The following ANPEP variants were observed in gnomAD, a reference collection of about 807,000 sequenced individuals.
The protein encoded by ANPEP is aminopeptidase N.
A neutral mutation model predicts 114.6 loss-of-function variants in ANPEP; 70 were observed. That is an observed-to-expected ratio of 0.61 (90% CI 0.50 to 0.75). ANPEP has a LOEUF of 0.75. Among genes scored for constraint, ANPEP ranks in the 30% least tolerant of loss-of-function variants. The probability of loss-of-function intolerance (pLI) is 0.00; values close to 1 mark genes in which losing one functional copy is unlikely to be tolerated. For missense variants in ANPEP, 1,184 were observed against 1,259.5 expected, an observed-to-expected ratio of 0.94 and a Z score of 0.91; for synonymous variants, 548 against 522.3, an observed-to-expected ratio of 1.05 and a Z score of -0.67.
chr15:89,813,970 C>T (rs1894859167), intron 1 of ANPEP, among the ~76,000 whole-genome samples: 1 of 149,454 alleles, frequency 6.7e-6, no homozygotes, highest in Admixed American at 6.6e-5. Flanking sequence ...CCACCTGGGC[C>T]GTCCCTGCCC....
chr15:89,811,394 C>T (rs1894812220), intron 1 of ANPEP, among the ~76,000 whole-genome samples: 1 of 152,062 alleles, frequency 6.6e-6, no homozygotes, highest in African/African-American at 2.4e-5. Context: ...TGCTTGTAAT[C>T]CCTGCACTTC....
intron 10 of ANPEP, 54 bp from the exon 11 acceptor site, chr15:89,801,661 A>AT: frequency 1.3e-6 from 2 of 1,580,814 alleles, no homozygotes. Flanking sequence ...AGTCCCTGCC[A>AT]TCCAGGGCAT....
intron 15 of ANPEP, among the ~76,000 whole-genome samples, chr15:89,796,644 C>A (rs144831976): frequency 6.6e-6 from 1 of 151,492 alleles, no homozygotes; most frequent in African/African-American, 2.4e-5. Context: ...CCCGCCACCA[C>A]GCCTGGCTAA....
chr15:89,789,629 C>T (rs141408606), intron 20 of ANPEP, among the ~76,000 whole-genome samples: 11,546 of 151,546 alleles, frequency 0.076, 1,468 homozygotes, highest in African/African-American at 0.26. Flanking sequence ...AAAAATTAGC[C>T]GGGTGTGGGG....
chr15:89,793,254 A>C, intron 15 of ANPEP, 128 bp from the exon 16 acceptor site: 1 of 725,064 alleles, frequency 1.4e-6, no homozygotes, highest in East Asian at 2.5e-5. Context: ...ACCTGAGGCC[A>C]AACAGTGCTC....
chr15:89,791,407 AG>A (rs1205259407), intron 18 of ANPEP, among the ~76,000 whole-genome samples: 2 of 147,354 alleles, frequency 1.4e-5, no homozygotes, highest in East Asian at 3.9e-4. Flanking sequence ...TTTGACACTG[AG>A]GGTGGCCCTT....
chr15:89,796,789 A>C lies in ANPEP; in HGVS notation c.2157+786T>G, dbSNP rs145212425. Among the ~76,000 whole-genome samples the C allele has an allele frequency of 1.5e-3, 231 of 151,798 alleles. 7 individuals carry two copies. In the East Asian group the frequency reaches 0.038, roughly 25 times the overall value. On this transcript the variant is annotated intron_variant, in intron 15 of 20. Coordinates refer to ENST00000300060, the MANE Select transcript of ANPEP (RefSeq NM_001150.3). ...GGATTACAGGCATGAGCCCCACTGC[A>C]CCCGGCCTGATAATTGAACATTTTT...
In ANPEP at chr15:89,799,318, A is replaced by C. The variant is rs1183287055; in HGVS notation, c.1954-3T>G. On this transcript the variant is annotated splice_region_variant and splice_polypyrimidine_tract_variant and intron_variant, in intron 13 of 20. Coordinates refer to ENST00000300060, the MANE Select transcript of ANPEP (RefSeq NM_001150.3). This position sits in a 1 kb window ranked among gnomAD's most constrained non-coding sequence, Gnocchi z 4.2. ...GCCCGATTGATGACAGGGATGGCCT[A>C]GAATGCGAAGCACAGCATGTGACCA... The C allele has an allele frequency of 6.2e-7, 1 of 1,614,206 alleles. No individual in the cohort carries two copies. Among genetic ancestry groups the C allele is most frequent in the Non-Finnish European group, 8.5e-7 (1 of 1,180,024 alleles).
chr15:89,801,878 G>T (rs78151908), intron 10 of ANPEP, among the ~76,000 whole-genome samples: 208 of 152,294 alleles, frequency 1.4e-3, no homozygotes, highest in African/African-American at 4.3e-3. Flanking sequence ...CAGGGAGGGG[G>T]TGCCCAGGAT....
chr15:89,794,483 CAAAAATAAATAAATAAAT>C (rs1968691391), intron 15 of ANPEP, among the ~76,000 whole-genome samples: 1 of 151,210 alleles, frequency 6.6e-6, no homozygotes, highest in Admixed American at 6.6e-5. Flanking sequence ...GATTCTGTCT[CAAAAATAAATAAATAAAT>C]AAAAATAAAT....
chr15:89,796,300 A>G (rs1281019328), intron 15 of ANPEP, among the ~76,000 whole-genome samples: 3 of 152,228 alleles, frequency 2.0e-5, no homozygotes, highest in Non-Finnish European at 2.9e-5. Flanking sequence ...AGTGCTCTAC[A>G]TGGCTCAGCA....
In ANPEP at chr15:89,806,092, C is replaced by T. The variant is rs1894706770; in HGVS notation, c.492G>A (p.Val164=). 2 of 1,613,950 alleles carry T rather than the reference C, an allele frequency of 1.2e-6. No individual in the cohort carries two copies. Among genetic ancestry groups the T allele is most frequent in the East Asian group, 2.2e-5 (1 of 44,894 alleles). Residue 164 remains valine (V), a synonymous_variant, in exon 2 of 21, where the codon GTG becomes GTA. Transcript: ENST00000300060. This position sits in a 1 kb window ranked among gnomAD's most constrained non-coding sequence, Gnocchi z 5.7. The stretch of plus-strand genomic sequence containing the variant: ...CCTTCACCAGGGAGCCCTTGAGGTG[C>T]ACCACCAGGTACTCGGTGGGCTCCA... ...ELVEPTEYLV[V]HLKGSLVKDS... is the part of the protein sequence containing the mutation.
rs1420108017 is a variant in ANPEP at position 89,797,496 on chromosome 15, T to C, written c.2157+79A>G. ...CCCTGACCAGGAGTCCAGTAGGCAATAGTCTATTAACTTCCTAATAGTGCA... is the reference window on the plus strand; with the variant it reads ...CCCTGACCAGGAGTCCAGTAGGCAACAGTCTATTAACTTCCTAATAGTGCA... On this transcript the variant is annotated intron_variant, in intron 15 of 20. Transcript: ENST00000300060. The C allele has an allele frequency of 6.6e-6, 10 of 1,512,844 alleles. No homozygotes were observed. The Admixed American group carries it at 1.4e-4, about 21-fold the overall frequency. The allele number at this position is 1,512,844 out of a possible 1,614,324, so 93.7% of individuals were successfully genotyped here.
rs1968750584 is a variant in ANPEP, at chr15:89,797,452, TG to T, written c.2157+122del. The stretch of plus-strand genomic sequence containing the variant: ...CAATCTTTCTTTTTTTTTGGTTTTT[TG>T]TTTTGCTTTTGAAGGTTCCCTGACC... On this transcript the variant is annotated intron_variant, in intron 15 of 20. Transcript: ENST00000300060. 5.1e-6 allele frequency: 7 copies of T among 1,382,504 alleles called. No individual in the cohort carries two copies. The South Asian group carries it at 6.5e-5, about 13-fold the overall frequency. The allele number at this position is 1,382,504 out of a possible 1,614,324, so 85.6% of individuals were successfully genotyped here.
At chr15:89,792,940 C>T (rs1049187091) in intron 16 of ANPEP, 95 bp downstream of exon 16, 50 of 1,109,166 alleles carry the variant, frequency 4.5e-5, no homozygotes, top group Admixed American at 3.0e-4. Flanking sequence ...CTGGTGCCCC[C>T]GCATTGAGAG....
chr15:89,788,655 C>T (rs1044471611), intron 20 of ANPEP, among the ~76,000 whole-genome samples: 67 of 152,088 alleles, frequency 4.4e-4, no homozygotes, highest in African/African-American at 1.3e-3. Flanking sequence ...GGCTGGAATG[C>T]GGTGGCACCA....
intron 15 of ANPEP, 83 bp from the exon 16 acceptor site, chr15:89,793,209 C>A: frequency 8.1e-7 from 1 of 1,236,448 alleles, no homozygotes; most frequent in Non-Finnish European, 1.2e-6. Context: ...TGTTGGGGGG[C>A]AGGCGCTGGC....
intron 1 of ANPEP, among the ~76,000 whole-genome samples, chr15:89,807,920 C>A (rs191353356): frequency 6.6e-6 from 1 of 152,186 alleles, no homozygotes; most frequent in Non-Finnish European, 1.5e-5. Flanking sequence ...ATTCCCCCAT[C>A]GCAAGATGCA....
Position 89,803,872 on chromosome 15 carries a change from C to T in ANPEP, c.1293+17G>A. ...CCTCCATGCCCCCCGCACCAGACCC[C>T]TGGGCAGCTGGCTTACCAAGTTCCA... On this transcript the variant is annotated intron_variant, in intron 7 of 20. Transcript: ENST00000300060. The surrounding 1 kb of genome is among the most constrained non-coding windows in gnomAD (Gnocchi z 4.2). 4 of 1,614,132 alleles carry T rather than the reference C, an allele frequency of 2.5e-6. No homozygotes were observed. Among genetic ancestry groups the T allele is most frequent in the Non-Finnish European group, 3.4e-6 (4 of 1,179,982 alleles).
Sources: gnomAD v4.1 joint callset for allele counts (sites outside exome capture counted in the v4.1 genomes callset) on GRCh38, gnomAD v4.1.1 for gene constraint, Gnocchi (gnomAD v3.1) non-coding constraint, MANE v1.5 for transcripts, NCBI Gene and HGNC (gene_info 2026-07-23, HGNC 2026-07-21) for gene names.